Variants in RNLS observed in about 807,000 individuals in gnomAD.
RNLS encodes the protein renalase, FAD dependent amine oxidase.
RNLS carries 39 observed loss-of-function variants against 39.8 expected under a neutral mutation model. The ratio of observed to expected loss-of-function variants is 0.98; its 90% CI spans 0.76 to 1.28. The LOEUF (loss-of-function observed/expected upper bound fraction) is 1.28, where lower values mean the gene tolerates loss of function less well. Ranked by LOEUF, RNLS falls within the 50% of genes most tolerant of loss-of-function variation. The probability of loss-of-function intolerance (pLI) is 0.00; values close to 1 mark genes in which losing one functional copy is unlikely to be tolerated. For missense variants in RNLS, 410 were observed against 413.3 expected (o/e 0.99, Z 0.07); for synonymous variants, 147 against 150.7 (o/e 0.98, Z 0.18).
At chr10:88,260,129 A>G in the RNLS span, among the ~76,000 whole-genome samples, 1 of 152,210 alleles carries the variant, frequency 6.6e-6, no homozygotes, top group African/African-American at 2.4e-5. Flanking sequence ...TGGGCTCCCA[A>G]GAGAACACAA....
At chr10:88,358,997 G>C (rs573786237) in intron 5 of RNLS, among the ~76,000 whole-genome samples, 1 of 152,264 alleles carries the variant, frequency 6.6e-6, no homozygotes, top group African/African-American at 2.4e-5. Context: ...GCAAGGGTGT[G>C]GGGTAGTGTT....
At chr10:88,328,197 C>T (rs552743946) in intron 5 of RNLS, among the ~76,000 whole-genome samples, 2 of 152,304 alleles carry the variant, frequency 1.3e-5, no homozygotes, top group South Asian at 2.1e-4. Flanking sequence ...CAGAAGCCAC[C>T]GTGCCTGGCC....
chr10:88,492,880 G>A (rs1323761845), intron 4 of RNLS, among the ~76,000 whole-genome samples: 1 of 152,024 alleles, frequency 6.6e-6, no homozygotes, highest in Non-Finnish European at 1.5e-5. Flanking sequence ...GACATGATAT[G>A]TTTTCTTCTC....
At chr10:88,279,666 C>T (rs1842940024), downstream of RNLS, among the ~76,000 whole-genome samples, 2 of 152,148 alleles carry the variant, frequency 1.3e-5, no homozygotes, top group African/African-American at 4.8e-5. Context: ...CGGAGATTCA[C>T]TAATCTTCAG....
At chr10:88,454,810 G>A (rs1019385998) in intron 4 of RNLS, among the ~76,000 whole-genome samples, 1 of 152,180 alleles carries the variant, frequency 6.6e-6, no homozygotes, top group Non-Finnish European at 1.5e-5. Context: ...AGGTCTGGTA[G>A]ATAACACAGA....
At chr10:88,202,494 C>T in the RNLS span, among the ~76,000 whole-genome samples, 1 of 152,208 alleles carries the variant, frequency 6.6e-6, no homozygotes, top group Admixed American at 6.5e-5. Context: ...TTACCCCACC[C>T]TGTACCAGCC....
At chr10:88,374,741 A>G (rs1850836490) in intron 4 of RNLS, among the ~76,000 whole-genome samples, 2 of 152,152 alleles carry the variant, frequency 1.3e-5, no homozygotes, top group Non-Finnish European at 2.9e-5. Context: ...GACATTTAGC[A>G]TACAATTATT....
At chr10:88,273,624 C>T (rs1397046859), downstream of RNLS, among the ~76,000 whole-genome samples, 1 of 152,158 alleles carries the variant, frequency 6.6e-6, no homozygotes, top group South Asian at 2.1e-4. Context: ...ACTATCATAA[C>T]TAATGCTTAA....
intron 5 of RNLS, among the ~76,000 whole-genome samples, chr10:88,338,402 G>A (rs888528102): frequency 2.0e-5 from 3 of 152,198 alleles, no homozygotes; most frequent in Admixed American, 6.5e-5. Context: ...GTTTAGCTCT[G>A]CTACTATCTA....
chr10:88,410,152 AT>A (rs1207317426), intron 4 of RNLS, among the ~76,000 whole-genome samples: 1 of 152,168 alleles, frequency 6.6e-6, no homozygotes, highest in African/African-American at 2.4e-5. Flanking sequence ...ACAGTAGAGA[AT>A]ATAGGAAACG....
At chr10:88,195,807 A>T in the RNLS span, among the ~76,000 whole-genome samples, 1 of 152,222 alleles carries the variant, frequency 6.6e-6, no homozygotes, top group South Asian at 2.1e-4. Context: ...TCCCTGATTC[A>T]AAAACAGCCC....
chr10:88,371,475 A>G (rs1437476588), intron 4 of RNLS, among the ~76,000 whole-genome samples: 1 of 152,204 alleles, frequency 6.6e-6, no homozygotes, highest in Non-Finnish European at 1.5e-5. Flanking sequence ...TTTACGGAGT[A>G]TTAAGAATGT....
intron 4 of RNLS, among the ~76,000 whole-genome samples, chr10:88,457,344 C>T (rs1342417561): frequency 6.6e-6 from 1 of 152,198 alleles, no homozygotes; most frequent in African/African-American, 2.4e-5. Flanking sequence ...ATAACAAGGT[C>T]ACAGTAAATG....
intron 4 of RNLS, among the ~76,000 whole-genome samples, chr10:88,516,191 C>T (rs1391947522): frequency 6.6e-6 from 1 of 151,888 alleles, no homozygotes; most frequent in African/African-American, 2.4e-5. Context: ...TTTGTTATGG[C>T]AGCCCTAGCA....
In RNLS at chr10:88,582,280, G is replaced by C. The variant is rs1209643350; in HGVS notation, c.146C>G (p.Pro49Arg). The C allele has an allele frequency of 4.3e-6, 7 of 1,613,782 alleles. No individual in the cohort carries two copies. In the African/African-American group the frequency reaches 6.7e-5, roughly 15 times the overall value. The change falls in exon 2 of 7, where the codon CCT becomes CGT. Residue 49 changes from proline to arginine, a missense_variant. Coordinates refer to ENST00000331772, the MANE Select transcript of RNLS (RefSeq NM_001031709.3). The part of the protein sequence containing the change: ...SGGRMTTACS[P>R]HNPQCTADLG... ...GTCAGCTGTGCACTGAGGATTATGA[G>C]GACTGCAGGCTGTAGTCATTCTTCC...
At chr10:88,251,890 C>G in the RNLS span, among the ~76,000 whole-genome samples, 3 of 152,314 alleles carry the variant, frequency 2.0e-5, no homozygotes, top group Non-Finnish European at 4.4e-5. Context: ...GTCAGCTAAG[C>G]TTTTCCCTGG....
At chr10:88,449,119 GCA>G (rs1842215277) in intron 4 of RNLS, among the ~76,000 whole-genome samples, 1 of 152,184 alleles carries the variant, frequency 6.6e-6, no homozygotes, top group African/African-American at 2.4e-5. Flanking sequence ...TGCACGTTGT[GCA>G]CATGTACCCT....
chr10:88,252,020 C>A, the RNLS span, among the ~76,000 whole-genome samples: 1 of 152,200 alleles, frequency 6.6e-6, no homozygotes. Context: ...CTTCTCGTTC[C>A]AAGTAGCCAT....
chr10:88,483,592 T>C lies in RNLS; in HGVS notation c.526+89311A>G, dbSNP rs545242360. On this transcript the variant is annotated intron_variant, in intron 4 of 6. Coordinates refer to ENST00000331772, the MANE Select transcript of RNLS (RefSeq NM_001031709.3). The stretch of plus-strand genomic sequence containing the variant: ...ACCTTGTTTACTTGAATAATTTTAG[T>C]CTTTCTTGGTACTCTTAATTATTTC... Among the ~76,000 whole-genome samples, 5 of 152,270 alleles carry C rather than the reference T, an allele frequency of 3.3e-5. No homozygotes were observed. The South Asian group carries it at 6.2e-4, about 19-fold the overall frequency.
Sources: gnomAD v4.1 joint callset for allele counts (sites outside exome capture counted in the v4.1 genomes callset) on GRCh38, gnomAD v4.1.1 for gene constraint, MANE v1.5 for transcripts, NCBI Gene and HGNC (gene_info 2026-07-23, HGNC 2026-07-21) for gene names.